The following PUDP variants were observed in gnomAD, a reference collection of about 807,000 sequenced individuals.
PUDP encodes the protein pseudouridine 5'-phosphatase, also known as pseudouridine-5'-phosphatase.
PUDP carries 8 observed loss-of-function variants against 9.4 expected under a neutral mutation model. That is an observed-to-expected ratio of 0.85 (90% CI 0.50 to 1.53). The LOEUF is 1.53. Ranked by LOEUF, PUDP falls within the 40% of genes most tolerant of loss-of-function variation. The pLI, the probability that PUDP is intolerant of heterozygous loss-of-function variation, is 0.00. For synonymous variants in PUDP, 99 were observed against 80.7 expected, an observed-to-expected ratio of 1.23 and a Z score of -1.22; for missense variants, 188 against 189.7, an observed-to-expected ratio of 0.99 and a Z score of 0.05.
chrX:7,074,759 GAGGAATTTGTAACAGGGTGC>G (rs1181853128), intron 3 of PUDP, among the ~76,000 whole-genome samples: 5 of 112,293 alleles, frequency 4.5e-5, no homozygotes, highest in Non-Finnish European at 9.4e-5. Context: ...ACATGTTGCA[GAGGAATTTGTAACAGGGTGC>G]CAAGCATGCA....
chrX:7,090,924 G>A, intron 2 of PUDP, among the ~76,000 whole-genome samples: 1 of 112,447 alleles, frequency 8.9e-6, no homozygotes, highest in South Asian at 3.7e-4. Context: ...GTGCAAATGT[G>A]CTATCAGTTT....
At chrX:6,841,937 T>C (rs1926678673) in intron 3 of PUDP, among the ~76,000 whole-genome samples, 1 of 111,153 alleles carries the variant, frequency 9.0e-6, no homozygotes, top group Non-Finnish European at 1.9e-5. Context: ...GTATGTTTTA[T>C]GTATTATGTG....
chrX:6,799,773 T>C (rs1004004621), intron 3 of PUDP, among the ~76,000 whole-genome samples: 44 of 110,080 alleles, frequency 4.0e-4, no homozygotes, highest in Non-Finnish European at 7.4e-4. Context: ...GAGGCAGAGG[T>C]TGCGGTGAGC....
At chrX:7,006,499 T>C (rs1197732436) in intron 1 of PUDP, among the ~76,000 whole-genome samples, 1 of 111,721 alleles carries the variant, frequency 9.0e-6, no homozygotes, top group Non-Finnish European at 1.9e-5. Flanking sequence ...TTTGGAGAAA[T>C]GTTTATTCAG....
intron 3 of PUDP, among the ~76,000 whole-genome samples, chrX:6,876,907 A>G (rs1357181289): frequency 3.7e-5 from 4 of 108,525 alleles, no homozygotes; most frequent in Non-Finnish European, 7.7e-5. Context: ...AGACATATAT[A>G]TGTGTCTATC....
chrX:6,936,112 G>T (rs1928294331), intron 3 of PUDP, among the ~76,000 whole-genome samples: 1 of 107,938 alleles, frequency 9.3e-6, no homozygotes, highest in Admixed American at 1.0e-4. Flanking sequence ...GAAAAAGAGG[G>T]AATCCTCCCT....
intron 3 of PUDP, among the ~76,000 whole-genome samples, chrX:6,812,830 A>G (rs942410635): frequency 1.8e-5 from 2 of 112,347 alleles, no homozygotes; most frequent in African/African-American, 6.5e-5. Context: ...GTGATGACTT[A>G]TGCCTGTAAT....
intron 3 of PUDP, among the ~76,000 whole-genome samples, chrX:6,784,261 G>A (rs915132008): frequency 4.5e-5 from 5 of 111,617 alleles, no homozygotes; most frequent in African/African-American, 1.3e-4. Flanking sequence ...CACATCATTC[G>A]AGTCTAATTG....
chrX:6,889,720 T>C (rs915942821), intron 3 of PUDP, among the ~76,000 whole-genome samples: 3 of 112,011 alleles, frequency 2.7e-5, no homozygotes, highest in African/African-American at 9.7e-5. Context: ...TTCCTTTACA[T>C]AATCTCTGGA....
intron 3 of PUDP, among the ~76,000 whole-genome samples, chrX:6,965,490 C>T (rs1220346901): frequency 1.8e-5 from 2 of 112,126 alleles, no homozygotes; most frequent in African/African-American, 6.5e-5. Flanking sequence ...TTGATTATGC[C>T]CATTTTGTTT....
At chrX:6,767,020 A>G (rs1159900760) in intron 3 of PUDP, among the ~76,000 whole-genome samples, 1 of 113,002 alleles carries the variant, frequency 8.8e-6, no homozygotes, top group Non-Finnish European at 1.9e-5. Context: ...GTCCATACCA[A>G]TTTTTTAAAC....
intron 1 of PUDP, among the ~76,000 whole-genome samples, chrX:7,014,574 T>C (rs1478425736): frequency 1.8e-5 from 2 of 111,577 alleles, no homozygotes; most frequent in African/African-American, 3.3e-5. Context: ...TATCTCTCAG[T>C]CAATACAATT....
chrX:7,128,686 A>C (rs771939212), intron 1 of PUDP, among the ~76,000 whole-genome samples: 60 of 111,922 alleles, frequency 5.4e-4, no homozygotes, highest in Non-Finnish European at 8.8e-4. Flanking sequence ...CAGGTGCATA[A>C]AGGTTGTGTG....
At chrX:7,144,334 C>T (rs888183073) in intron 1 of PUDP, among the ~76,000 whole-genome samples, 2 of 112,205 alleles carry the variant, frequency 1.8e-5, no homozygotes, top group South Asian at 3.7e-4. Context: ...CTAGGGCATG[C>T]GCTAATATTA....
At chrX:6,952,588 A>C (rs890879373) in intron 3 of PUDP, among the ~76,000 whole-genome samples, 5 of 112,091 alleles carry the variant, frequency 4.5e-5, no homozygotes, top group African/African-American at 1.3e-4. Flanking sequence ...CTGTGGTCTG[A>C]ATATGTTCTC....
At chrX:6,973,719 G>T (rs1401408374) in intron 3 of PUDP, among the ~76,000 whole-genome samples, 2 of 111,576 alleles carry the variant, frequency 1.8e-5, no homozygotes, top group Non-Finnish European at 3.8e-5. Context: ...TGTCTATCAG[G>T]TCTGCTTGGT....
intron 1 of PUDP, among the ~76,000 whole-genome samples, chrX:7,120,910 TC>T (rs1481071921): frequency 8.9e-6 from 1 of 111,967 alleles, no homozygotes; most frequent in Middle Eastern, 4.2e-3. Flanking sequence ...ACTGTGTGGT[TC>T]TATATACAAT....
At chrX:7,103,304 G>C (rs1931791917) in intron 2 of PUDP, among the ~76,000 whole-genome samples, 1 of 112,055 alleles carries the variant, frequency 8.9e-6, no homozygotes, top group South Asian at 3.7e-4. Flanking sequence ...TACTCAATGG[G>C]GAAAAGATAA....
At chrX:7,136,126 C>G (rs1932735709) in intron 1 of PUDP, among the ~76,000 whole-genome samples, 1 of 111,847 alleles carries the variant, frequency 8.9e-6, no homozygotes, top group Non-Finnish European at 1.9e-5. Flanking sequence ...AGGACCCAGT[C>G]CAGGTACCTG....
Sources: allele counts gnomAD v4.1 joint callset (sites outside exome capture counted in the v4.1 genomes callset), GRCh38; gene constraint gnomAD v4.1.1; transcripts MANE v1.5; gene names NCBI Gene and HGNC (gene_info 2026-07-23, HGNC 2026-07-21).